Variants in RANBP2 observed in about 807,000 individuals in gnomAD.
The protein encoded by RANBP2 is RAN binding protein 2.
Under a neutral mutation model 303.6 loss-of-function variants are expected in RANBP2, and 57 were observed. That is an observed-to-expected ratio of 0.19 (90% CI 0.15 to 0.23). The LOEUF is 0.23. Among genes scored for constraint, RANBP2 ranks in the 10% least tolerant of loss-of-function variants. The probability of loss-of-function intolerance (pLI) is 1.00; values close to 1 mark genes in which losing one functional copy is unlikely to be tolerated. For synonymous variants in RANBP2, 1,167 were observed against 1,301.5 expected (o/e 0.90, Z 2.23); for missense variants, 3,138 against 3,780.8 (o/e 0.83, Z 4.46).
At chr2:109,516,313 G>T in the RANBP2 span, among the ~76,000 whole-genome samples, 1 of 152,240 alleles carries the variant, frequency 6.6e-6, no homozygotes, top group African/African-American at 2.4e-5. Context: ...CACTGATGGT[G>T]CTGTCTTAGG....
the RANBP2 span, among the ~76,000 whole-genome samples, chr2:109,666,731 A>T: frequency 4.4e-4 from 67 of 152,344 alleles, no homozygotes; most frequent in African/African-American, 1.6e-3. Flanking sequence ...AGAGGTTGAC[A>T]GTCAAGATGA....
the RANBP2 span, among the ~76,000 whole-genome samples, chr2:109,126,765 T>C: frequency 6.6e-6 from 1 of 152,224 alleles, no homozygotes; most frequent in African/African-American, 2.4e-5. Context: ...AGATGCCTCG[T>C]ATTATTAGTG....
chr2:109,544,885 T>G, the RANBP2 span: 5 of 899,728 alleles, frequency 5.6e-6, no homozygotes, highest in Non-Finnish European at 6.7e-6. Context: ...CTTGGAGAGC[T>G]TGCATTGAAA....
the RANBP2 span, among the ~76,000 whole-genome samples, chr2:108,969,209 C>T: frequency 2.6e-5 from 4 of 152,088 alleles, no homozygotes; most frequent in African/African-American, 7.2e-5. Flanking sequence ...GCTTTGACAA[C>T]CTTCTTTTTT....
chr2:108,796,090 C>T, the RANBP2 span, among the ~76,000 whole-genome samples: 181 of 152,210 alleles, frequency 1.2e-3, 1 homozygote, highest in African/African-American at 4.2e-3. Flanking sequence ...CACTCTGTGC[C>T]CAGGCTGGAG....
the RANBP2 span, among the ~76,000 whole-genome samples, chr2:108,939,134 AGCCACTCTTCAGCACTTTAATACACAT>A: frequency 4.6e-5 from 7 of 152,032 alleles, no homozygotes; most frequent in Non-Finnish European, 8.8e-5. Context: ...ACATGATAGG[AGCCACTCTTCAGCACTTTAATACACAT>A]GCCACTCATC....
chr2:109,011,326 C>G, the RANBP2 span, among the ~76,000 whole-genome samples: 1 of 152,130 alleles, frequency 6.6e-6, no homozygotes, highest in Admixed American at 6.5e-5. Context: ...CTTCTTTATT[C>G]ATAGTTTGGA....
chr2:109,504,993 C>T, the RANBP2 span, among the ~76,000 whole-genome samples: 2 of 152,178 alleles, frequency 1.3e-5, no homozygotes, highest in Non-Finnish European at 2.9e-5. Flanking sequence ...AGATGACTCG[C>T]CTCCTTTTCT....
At chr2:108,971,599 G>C in the RANBP2 span, among the ~76,000 whole-genome samples, 1 of 151,794 alleles carries the variant, frequency 6.6e-6, no homozygotes, top group Non-Finnish European at 1.5e-5. Flanking sequence ...GAGGGTGTGA[G>C]GGCTGAGAGG....
chr2:109,602,716 G>T, the RANBP2 span, among the ~76,000 whole-genome samples: 1 of 149,806 alleles, frequency 6.7e-6, no homozygotes, highest in African/African-American at 2.5e-5. Context: ...TAGATGGCTC[G>T]AATTCCTTCA....
the RANBP2 span, chr2:108,910,989 TGAG>T: frequency 6.2e-7 from 1 of 1,613,982 alleles, no homozygotes; most frequent in Non-Finnish European, 8.5e-7. Flanking sequence ...AACATGATGA[TGAG>T]GACGATGGCG....
In RANBP2 at chr2:108,779,175, CTT is replaced by C. The variant is rs935499397; in HGVS notation, c.8599+1951_8599+1952del. On this transcript the variant is annotated intron_variant, in intron 25 of 28. Transcript: ENST00000283195. ...CTTAAGAATTTTTGTCTTTCTGTCT[CTT>C]TTTTTTGAGACGATCATTCTGTTGC... is the stretch of plus-strand genomic sequence containing the variant. Among the ~76,000 whole-genome samples the C allele has an allele frequency of 2.7e-5, 4 of 148,830 alleles. 1 individual carries two copies.
the RANBP2 span, among the ~76,000 whole-genome samples, chr2:109,778,540 A>G: frequency 6.7e-6 from 1 of 149,816 alleles, no homozygotes; most frequent in Non-Finnish European, 1.5e-5. Flanking sequence ...CAATAGTAGA[A>G]TAACCTTGGT....
chr2:109,602,678 A>T, the RANBP2 span, among the ~76,000 whole-genome samples: 1 of 149,156 alleles, frequency 6.7e-6, no homozygotes, highest in East Asian at 2.0e-4. Context: ...TCCATCTCAA[A>T]TTAAAAAAAA....
At chr2:109,296,127 C>G in the RANBP2 span, among the ~76,000 whole-genome samples, 1 of 152,268 alleles carries the variant, frequency 6.6e-6, no homozygotes, top group South Asian at 2.1e-4. Context: ...TTCTCTACGT[C>G]TGTGCGCAGC....
the RANBP2 span, chr2:109,130,258 C>G: frequency 1.1e-5 from 9 of 837,532 alleles, no homozygotes; most frequent in African/African-American, 7.1e-5. Flanking sequence ...CCTCCAACTT[C>G]GCTTGCTTGG....
rs142125377 is a variant in RANBP2, at chr2:108,763,895, A to C, written c.3356A>C (p.Gln1119Pro). The change falls in exon 20 of 29, where the codon CAG becomes CCG. Residue 1119 changes from glutamine (Q) to proline (P), a missense_variant. This residue lies in a region of RANBP2 where 403 missense variants were observed against 376.7 expected (regional missense o/e 1.07). Transcript: ENST00000283195. ...ISFTENMGSS[Q>P]QKNSGFRRSD... ...TTTACAGAAAACATGGGGTCGAGTC[A>C]GCAAAAGAATTCTGGTTTTCGGCGA... The C allele has an allele frequency of 3.1e-6, 5 of 1,613,950 alleles. No individual in the cohort carries two copies. Among genetic ancestry groups the C allele is most frequent in the Non-Finnish European group, 4.2e-6 (5 of 1,179,994 alleles).
chr2:109,400,304 T>G, the RANBP2 span, among the ~76,000 whole-genome samples: 1 of 151,768 alleles, frequency 6.6e-6, no homozygotes, highest in Non-Finnish European at 1.5e-5. Context: ...TGTGCACTCA[T>G]ACACATGGCA....
the RANBP2 span, among the ~76,000 whole-genome samples, chr2:109,178,787 G>A: frequency 1.3e-5 from 2 of 152,100 alleles, no homozygotes; most frequent in Non-Finnish European, 2.9e-5. Flanking sequence ...GGTGTCTCTG[G>A]CAGCACAAAA....
Sources: allele counts gnomAD v4.1 joint callset (sites outside exome capture counted in the v4.1 genomes callset), GRCh38; gene constraint gnomAD v4.1.1; regional missense constraint gnomAD v4.1.1; transcripts MANE v1.5; gene names NCBI Gene and HGNC (gene_info 2026-07-23, HGNC 2026-07-21).